FHIT: variants seen among roughly 807,000 people sequenced by gnomAD.
FHIT encodes bis(5'-adenosyl)-triphosphatase.
FHIT carries 19 observed loss-of-function variants against 17.9 expected under a neutral mutation model. That is an observed-to-expected ratio of 1.06 (90% CI 0.74 to 1.56). The LOEUF (loss-of-function observed/expected upper bound fraction) is 1.56. Ranked by LOEUF, FHIT falls within the 40% of genes most tolerant of loss-of-function variation. FHIT has a pLI of 0.00. For missense variants in FHIT, 248 were observed against 189.2 expected (o/e 1.31, Z -1.82); for synonymous variants, 81 against 69.7 (o/e 1.16, Z -0.81).
intron 3 of FHIT, among the ~76,000 whole-genome samples, chr3:61,034,005 T>C (rs1029837034): frequency 6.6e-6 from 1 of 152,130 alleles, no homozygotes; most frequent in African/African-American, 2.4e-5. Flanking sequence ...ACCAAGTCAT[T>C]TAATGAAGAA....
intron 3 of FHIT, among the ~76,000 whole-genome samples, chr3:61,012,072 G>A (rs2031821005): frequency 6.6e-6 from 1 of 152,142 alleles, no homozygotes; most frequent in Non-Finnish European, 1.5e-5. Flanking sequence ...CCAAGGCTTG[G>A]AGGAAATACA....
intron 8 of FHIT, among the ~76,000 whole-genome samples, chr3:59,858,196 A>G (rs1702251648): frequency 6.6e-6 from 1 of 151,992 alleles, no homozygotes; most frequent in South Asian, 2.1e-4. Context: ...TCTATCAGCA[A>G]AAAGACATAA....
chr3:60,152,256 G>C (rs892310256), intron 5 of FHIT, among the ~76,000 whole-genome samples: 2 of 152,162 alleles, frequency 1.3e-5, no homozygotes, highest in Non-Finnish European at 2.9e-5. Context: ...ATAGGAGTAA[G>C]TATCTATTAG....
intron 5 of FHIT, among the ~76,000 whole-genome samples, chr3:60,419,992 A>C (rs138291350): frequency 2.0e-5 from 3 of 152,176 alleles, no homozygotes; most frequent in African/African-American, 7.2e-5. Context: ...TCTATTCTAC[A>C]TCCTTCTAGT....
At chr3:60,574,631 A>C (rs975351527) in intron 4 of FHIT, among the ~76,000 whole-genome samples, 1 of 152,108 alleles carries the variant, frequency 6.6e-6, no homozygotes, top group Non-Finnish European at 1.5e-5. Context: ...TTGTGTAAAC[A>C]CATCTTTACA....
intron 7 of FHIT, among the ~76,000 whole-genome samples, chr3:59,933,686 C>T (rs942316444): frequency 1.3e-5 from 2 of 152,136 alleles, no homozygotes; most frequent in Non-Finnish European, 2.9e-5. Flanking sequence ...TTTAGGCCTG[C>T]AGGTATGAAC....
intron 8 of FHIT, among the ~76,000 whole-genome samples, chr3:59,858,753 C>G (rs1411233243): frequency 6.6e-6 from 1 of 151,746 alleles, no homozygotes; most frequent in Admixed American, 6.6e-5. Flanking sequence ...TAATATTGAA[C>G]AAATGAGTAT....
At chr3:60,275,663 G>C (rs1051657574) in intron 5 of FHIT, among the ~76,000 whole-genome samples, 4 of 152,128 alleles carry the variant, frequency 2.6e-5, no homozygotes, top group Admixed American at 2.0e-4. Context: ...GACCAGCACA[G>C]TGGTTGGCAC....
chr3:60,954,826 C>T (rs1709041011), intron 3 of FHIT, among the ~76,000 whole-genome samples: 1 of 152,134 alleles, frequency 6.6e-6, no homozygotes, highest in African/African-American at 2.4e-5. Flanking sequence ...ATTAGGAATA[C>T]CCAAGGCAGA....
intron 7 of FHIT, among the ~76,000 whole-genome samples, chr3:59,980,484 C>T (rs977494602): frequency 2.6e-5 from 4 of 152,172 alleles, no homozygotes; most frequent in Admixed American, 2.6e-4. Flanking sequence ...CAGTTTCTAA[C>T]CGGACTTTGG....
At chr3:61,081,127 G>A (rs148267523) in intron 2 of FHIT, among the ~76,000 whole-genome samples, 59 of 152,238 alleles carry the variant, frequency 3.9e-4, no homozygotes, top group African/African-American at 1.4e-3. Context: ...AATAGAAAGG[G>A]AAATGTAGCT....
chr3:60,288,546 T>G (rs1018088321), intron 5 of FHIT, among the ~76,000 whole-genome samples: 1 of 151,410 alleles, frequency 6.6e-6, no homozygotes, highest in Admixed American at 6.6e-5. Context: ...TTAATCATTC[T>G]GTTTTCTAGG....
chr3:60,976,308 C>T (rs146242575), intron 3 of FHIT, among the ~76,000 whole-genome samples: 30 of 151,540 alleles, frequency 2.0e-4, no homozygotes, highest in Non-Finnish European at 2.7e-4. Flanking sequence ...GGTTTTACCA[C>T]GTTGGCCAGG....
At chr3:60,587,892 T>C (rs552579485) in intron 4 of FHIT, among the ~76,000 whole-genome samples, 48 of 152,110 alleles carry the variant, frequency 3.2e-4, no homozygotes, top group African/African-American at 1.2e-3. Flanking sequence ...ACAGCCTGGC[T>C]GGGGTAGAAT....
intron 5 of FHIT, among the ~76,000 whole-genome samples, chr3:60,018,780 C>T (rs997388802): frequency 1.3e-4 from 20 of 152,064 alleles, no homozygotes; most frequent in African/African-American, 3.4e-4. Context: ...CAGTTCAAGA[C>T]CAGCCTGGCC....
At chr3:59,929,718 T>C (rs895157228) in intron 7 of FHIT, among the ~76,000 whole-genome samples, 14 of 152,110 alleles carry the variant, frequency 9.2e-5, no homozygotes, top group African/African-American at 2.7e-4. Context: ...ATTTGCTGAA[T>C]ATCAACATCA....
intron 4 of FHIT, among the ~76,000 whole-genome samples, chr3:60,820,796 T>C (rs1701898102): frequency 6.6e-6 from 1 of 152,104 alleles, no homozygotes; most frequent in Non-Finnish European, 1.5e-5. Context: ...TTATACATGT[T>C]AAATTGTCTG....
At chr3:60,369,966 T>C (rs189748485) in intron 5 of FHIT, among the ~76,000 whole-genome samples, 1 of 152,326 alleles carries the variant, frequency 6.6e-6, no homozygotes, top group Admixed American at 6.5e-5. Flanking sequence ...ATTAACTATG[T>C]TGGCAATAAT....
intron 7 of FHIT, among the ~76,000 whole-genome samples, chr3:59,977,107 G>A (rs1011535296): frequency 2.0e-5 from 3 of 152,016 alleles, no homozygotes; most frequent in Admixed American, 6.6e-5. Flanking sequence ...GATCAGAGAG[G>A]GCCCGGGAAC....
Sources: gnomAD v4.1 joint callset for allele counts (sites outside exome capture counted in the v4.1 genomes callset) on GRCh38, gnomAD v4.1.1 for gene constraint, MANE v1.5 for transcripts, NCBI Gene and HGNC (gene_info 2026-07-23, HGNC 2026-07-21) for gene names.